GRID2: variants seen among roughly 807,000 people sequenced by gnomAD.
GRID2 encodes the protein glutamate receptor ionotropic, delta-2.
GRID2 carries 33 observed loss-of-function variants against 114.8 expected under a neutral mutation model. The ratio of observed to expected loss-of-function variants is 0.29; its 90% confidence interval spans 0.22 to 0.38. GRID2 has a LOEUF of 0.38. Among genes scored for constraint, GRID2 ranks in the 10% least tolerant of loss-of-function variants. The probability of loss-of-function intolerance (pLI) is 1.00; values close to 1 mark genes in which losing one functional copy is unlikely to be tolerated. For missense variants in GRID2, 1,184 were observed against 1,257.7 expected (o/e 0.94, Z 0.89); for synonymous variants, 505 against 449.9 (o/e 1.12, Z -1.55).
chr4:93,809,520 C>T (rs1735092759), exon 2 of GRID2: 1 of 152,096 alleles, frequency 6.6e-6, no homozygotes, highest in Admixed American at 6.5e-5. Context: ...TGACTATGTA[C>T]AAAAGATCTG....
intron 8 of GRID2, among the ~76,000 whole-genome samples, chr4:93,381,775 T>A (rs966108449): frequency 6.6e-5 from 10 of 152,138 alleles, no homozygotes; most frequent in African/African-American, 2.4e-4. Context: ...TATCAGTTTC[T>A]TGAATTAAAC....
chr4:93,047,883 CA>C (rs202164662), intron 2 of GRID2, among the ~76,000 whole-genome samples: 13 of 147,592 alleles, frequency 8.8e-5, no homozygotes, highest in East Asian at 2.0e-4. Flanking sequence ...AACAAACAAA[CA>C]AAAAAAACAC....
chr4:93,479,657 C>G (rs1035089514), intron 11 of GRID2, among the ~76,000 whole-genome samples: 2 of 152,052 alleles, frequency 1.3e-5, no homozygotes, highest in Non-Finnish European at 2.9e-5. Flanking sequence ...TGTCCAGGGG[C>G]AGGGGAAAAA....
In GRID2 at chr4:93,328,302, A is replaced by G. The variant is rs896450908; in HGVS notation, c.1246-67305A>G. On this transcript the variant is annotated intron_variant, in intron 8 of 15. Coordinates refer to ENST00000282020, the MANE Select transcript of GRID2 (RefSeq NM_001510.4). ...TTTATCTCTGCAGCATATCAGTGAT[A>G]TATTTTGAATTTACCCCTTTGCATG... Among the ~76,000 whole-genome samples the G allele has an allele frequency of 3.3e-5, 5 of 152,108 alleles. No individual in the cohort carries two copies. In the South Asian group the frequency reaches 1.0e-3, roughly 31 times the overall value.
At chr4:93,101,410 T>C (rs547273060) in intron 3 of GRID2, among the ~76,000 whole-genome samples, 4 of 152,030 alleles carry the variant, frequency 2.6e-5, no homozygotes, top group Admixed American at 6.6e-5. Flanking sequence ...CCTCTTTCCA[T>C]TCCCTTAACC....
intron 4 of GRID2, among the ~76,000 whole-genome samples, chr4:93,202,649 C>T (rs1328839203): frequency 6.6e-6 from 1 of 151,994 alleles, no homozygotes; most frequent in Non-Finnish European, 1.5e-5. Flanking sequence ...CAAGTGTTAC[C>T]AAGTGGAAAG....
chr4:93,512,298 A>G (rs1729270436), intron 12 of GRID2, among the ~76,000 whole-genome samples: 1 of 152,156 alleles, frequency 6.6e-6, no homozygotes, highest in Non-Finnish European at 1.5e-5. Flanking sequence ...CATTTGTTGA[A>G]TGACCTACTA....
chr4:93,288,501 G>A (rs1753411760), intron 8 of GRID2, among the ~76,000 whole-genome samples: 1 of 152,114 alleles, frequency 6.6e-6, no homozygotes, highest in South Asian at 2.1e-4. Flanking sequence ...ACTGCCCTTA[G>A]ATGGCCACTA....
At chr4:93,585,305 G>C (rs938670376) in intron 13 of GRID2, among the ~76,000 whole-genome samples, 2 of 152,056 alleles carry the variant, frequency 1.3e-5, no homozygotes, top group African/African-American at 4.8e-5. Context: ...TTGTCTGTGA[G>C]TGATCTGGGC....
At chr4:93,629,271 T>G (rs1743027926) in intron 14 of GRID2, among the ~76,000 whole-genome samples, 1 of 152,216 alleles carries the variant, frequency 6.6e-6, no homozygotes, top group Non-Finnish European at 1.5e-5. Flanking sequence ...TTGTTTGATA[T>G]GCAGTACAGA....
intron 3 of GRID2, among the ~76,000 whole-genome samples, chr4:93,103,152 A>C (rs2149342408): frequency 6.6e-6 from 1 of 152,148 alleles, no homozygotes. Context: ...AAGGACACAC[A>C]GGGGTGTAAA....
rs1439884191 is a variant in GRID2 at position 92,384,564 on chromosome 4, ATATAATATATAAAATATATTATAT to A, written c.88+79825_88+79848del. ...TAATATATAATATATATTATATATA[ATATAATATATAAAATATATTATAT>A]TATATATAACATAATATATAATATA... On this transcript the variant is annotated intron_variant, in intron 1 of 15. Coordinates refer to ENST00000282020, the MANE Select transcript of GRID2 (RefSeq NM_001510.4). Among the ~76,000 whole-genome samples, 3 of 73,552 alleles carry A rather than the reference ATATAATATATAAAATATATTATAT, an allele frequency of 4.1e-5. No individual in the cohort carries two copies. The East Asian group carries it at 8.5e-4, about 21-fold the overall frequency. 48.3% of individuals were successfully genotyped at this position (73,552 alleles called of 152,430 possible). A position where few individuals can be genotyped will look rare whatever the true frequency, so the allele number is the denominator to read the frequency against.
chr4:92,844,267 C>T (rs777165557), intron 2 of GRID2, among the ~76,000 whole-genome samples: 10 of 152,056 alleles, frequency 6.6e-5, no homozygotes, highest in Non-Finnish European at 1.3e-4. Flanking sequence ...AGGCCAGGTG[C>T]GGTGGCTCAC....
At chr4:92,958,822 A>G (rs1752600900) in intron 2 of GRID2, among the ~76,000 whole-genome samples, 1 of 151,976 alleles carries the variant, frequency 6.6e-6, no homozygotes, top group Non-Finnish European at 1.5e-5. Flanking sequence ...TTGGAAAGTT[A>G]TTCATTTTTG....
At chr4:93,209,211 T>A (rs967323346) in intron 5 of GRID2, among the ~76,000 whole-genome samples, 1 of 151,976 alleles carries the variant, frequency 6.6e-6, no homozygotes, top group African/African-American at 2.4e-5. Context: ...TTAAGCCTAG[T>A]GCTCATTAGT....
intron 1 of GRID2, among the ~76,000 whole-genome samples, chr4:92,518,269 C>A (rs115180825): frequency 6.6e-6 from 1 of 151,848 alleles, no homozygotes; most frequent in Non-Finnish European, 1.5e-5. Flanking sequence ...GCTCAACAGG[C>A]TTATTGCTAC....
intron 2 of GRID2, among the ~76,000 whole-genome samples, chr4:92,610,603 T>G (rs1230017529): frequency 6.6e-6 from 1 of 151,634 alleles, no homozygotes; most frequent in East Asian, 1.9e-4. Context: ...CATCATTTAG[T>G]TCATCTTATT....
At chr4:93,462,702 A>G (rs1273370453) in intron 11 of GRID2, among the ~76,000 whole-genome samples, 2 of 152,212 alleles carry the variant, frequency 1.3e-5, no homozygotes, top group Non-Finnish European at 2.9e-5. Flanking sequence ...GCACAGAAGG[A>G]TAACTCAAAA....
chr4:93,427,294 G>T (rs957766047), intron 10 of GRID2, among the ~76,000 whole-genome samples: 1 of 151,786 alleles, frequency 6.6e-6, no homozygotes, highest in Non-Finnish European at 1.5e-5. Flanking sequence ...CGTTGAAATG[G>T]CATAAAAATG....
Sources: allele counts gnomAD v4.1 joint callset (sites outside exome capture counted in the v4.1 genomes callset), GRCh38; gene constraint gnomAD v4.1.1; transcripts MANE v1.5; gene names NCBI Gene and HGNC (gene_info 2026-07-23, HGNC 2026-07-21).